Variants in STPG2 observed in about 807,000 individuals in gnomAD.
STPG2 encodes the protein sperm-tail PG-rich repeat-containing protein 2.
STPG2 carries 56 observed loss-of-function variants against 54.2 expected under a neutral mutation model. The ratio of observed to expected loss-of-function variants is 1.03; its 90% confidence interval spans 0.83 to 1.29. STPG2 has a LOEUF of 1.29. Among genes scored for constraint, STPG2 ranks in the 50% most tolerant of loss-of-function variants. The pLI, the probability that STPG2 is intolerant of heterozygous loss-of-function variation, is 0.00. For synonymous variants in STPG2, 200 were observed against 181.8 expected, an observed-to-expected ratio of 1.10 and a Z score of -0.81; for missense variants, 596 against 544.9, an observed-to-expected ratio of 1.09 and a Z score of -0.93.
At chr4:98,050,408 T>C (rs935563460) in intron 5 of STPG2, among the ~76,000 whole-genome samples, 6 of 152,108 alleles carry the variant, frequency 3.9e-5, no homozygotes, top group African/African-American at 1.2e-4. Flanking sequence ...TCTCCACTTT[T>C]GTGTTTGTTT....
At chr4:97,666,905 A>G (rs1172342674) in intron 10 of STPG2, among the ~76,000 whole-genome samples, 1 of 152,114 alleles carries the variant, frequency 6.6e-6, no homozygotes, top group East Asian at 1.9e-4. Context: ...CTAAATCACC[A>G]TTACTCCAAC....
chr4:97,983,041 C>T (rs920467461), intron 5 of STPG2, among the ~76,000 whole-genome samples: 3 of 152,142 alleles, frequency 2.0e-5, no homozygotes, highest in Non-Finnish European at 2.9e-5. Context: ...TATCTATAGT[C>T]GACCCTTGAA....
chr4:97,715,640 T>C (rs1332740709), intron 9 of STPG2, among the ~76,000 whole-genome samples: 1 of 152,158 alleles, frequency 6.6e-6, no homozygotes, highest in African/African-American at 2.4e-5. Context: ...GAGCTAAAAT[T>C]ATAAATAATG....
chr4:97,592,091 G>C (rs112764871), intron 10 of STPG2, among the ~76,000 whole-genome samples: 2,270 of 152,186 alleles, frequency 0.015, 52 homozygotes, highest in African/African-American at 0.052. Context: ...AGAAGAAACA[G>C]TAATTGGAAA....
At chr4:97,617,299 A>C (rs1733900232) in intron 10 of STPG2, among the ~76,000 whole-genome samples, 2 of 152,178 alleles carry the variant, frequency 1.3e-5, no homozygotes, top group Non-Finnish European at 2.9e-5. Flanking sequence ...AGCCTAAAAA[A>C]AAGGTACATA....
intron 7 of STPG2, among the ~76,000 whole-genome samples, chr4:97,968,039 A>G (rs1013276101): frequency 6.6e-5 from 10 of 152,166 alleles, no homozygotes; most frequent in Non-Finnish European, 1.2e-4. Context: ...GAGAGAAACA[A>G]AAAAACCTTC....
intron 8 of STPG2, among the ~76,000 whole-genome samples, chr4:97,905,223 T>A (rs1428710601): frequency 6.6e-6 from 1 of 151,786 alleles, no homozygotes; most frequent in Non-Finnish European, 1.5e-5. Context: ...CGGGTTACCC[T>A]CAAAGGGAAG....
intron 4 of STPG2, among the ~76,000 whole-genome samples, chr4:97,542,126 C>G (rs559162067): frequency 1.1e-4 from 16 of 152,112 alleles, no homozygotes; most frequent in Non-Finnish European, 2.2e-4. Context: ...CAAATGGGAT[C>G]TAATTAAACT....
chr4:98,091,285 C>A (rs1331067422), intron 5 of STPG2, among the ~76,000 whole-genome samples: 1 of 151,990 alleles, frequency 6.6e-6, no homozygotes, highest in African/African-American at 2.4e-5. Flanking sequence ...ATTTGCCTAA[C>A]AATTACCTGT....
intron 9 of STPG2, among the ~76,000 whole-genome samples, chr4:97,820,359 C>A (rs915909302): frequency 6.6e-6 from 1 of 152,004 alleles, no homozygotes; most frequent in Non-Finnish European, 1.5e-5. Context: ...CCAACAATGA[C>A]CTGTAAGTGT....
chr4:97,512,673 G>A (rs866414914), intron 4 of STPG2, among the ~76,000 whole-genome samples: 1 of 151,904 alleles, frequency 6.6e-6, no homozygotes, highest in Admixed American at 6.6e-5. Flanking sequence ...AGAAGGAAGG[G>A]GGACGAAAGA....
intron 10 of STPG2, among the ~76,000 whole-genome samples, chr4:97,702,822 A>T (rs1302833238): frequency 6.6e-6 from 1 of 152,082 alleles, no homozygotes; most frequent in Non-Finnish European, 1.5e-5. Context: ...TTAATAGTAG[A>T]CACCTGGTGA....
rs903415004 is a variant in STPG2, at chr4:97,696,804, G to A, written c.1320+15895C>T. Reference sequence around the variant, plus strand: ...ATGCTCAACATCACTAATTATCAGGGAAATCCAAATCAAACCCACAATGTA... The same window carrying A: ...ATGCTCAACATCACTAATTATCAGGAAAATCCAAATCAAACCCACAATGTA... On this transcript the variant is annotated intron_variant, in intron 10 of 10. Coordinates refer to ENST00000295268, the MANE Select transcript of STPG2 (RefSeq NM_174952.3). Among the ~76,000 whole-genome samples, 3 of 152,094 alleles carry A rather than the reference G, an allele frequency of 2.0e-5. No individual in the cohort carries two copies. The South Asian group carries it at 6.2e-4, about 32-fold the overall frequency.
At chr4:98,085,427 G>C (rs760248687) in intron 5 of STPG2, among the ~76,000 whole-genome samples, 1 of 152,144 alleles carries the variant, frequency 6.6e-6, no homozygotes, top group South Asian at 2.1e-4. Flanking sequence ...ACTTCTGCTA[G>C]GAATTTGATT....
chr4:98,137,069 T>C (rs6815312), intron 1 of STPG2, among the ~76,000 whole-genome samples: 59,854 of 151,332 alleles, frequency 0.4, 12,077 homozygotes, highest in Middle Eastern at 0.46. Flanking sequence ...ATTGTCAGAT[T>C]GAATAAAAAA....
chr4:97,743,118 GC>G (rs1288533316), intron 9 of STPG2, among the ~76,000 whole-genome samples: 1 of 151,646 alleles, frequency 6.6e-6, no homozygotes, highest in African/African-American at 2.4e-5. Flanking sequence ...AGTAAGAAAA[GC>G]AATTCTAGTT....
chr4:98,142,909 G>A, intron 1 of STPG2, 133 bp downstream of exon 1: 4 of 769,226 alleles, frequency 5.2e-6, no homozygotes, highest in South Asian at 3.0e-5. Context: ...TGTTTTCCCT[G>A]CCTACTTCAT....
intron 9 of STPG2, among the ~76,000 whole-genome samples, chr4:97,757,447 A>G (rs1168455251): frequency 2.0e-5 from 3 of 152,326 alleles, no homozygotes; most frequent in South Asian, 4.1e-4. Flanking sequence ...CAAGTGCAAT[A>G]TGGTCTTAAC....
intron 4 of STPG2, among the ~76,000 whole-genome samples, chr4:97,548,605 C>T (rs1390221433): frequency 6.6e-6 from 1 of 152,030 alleles, no homozygotes; most frequent in Non-Finnish European, 1.5e-5. Context: ...TTTAATTAAT[C>T]ATTTATTTGG....
Sources: gnomAD v4.1 joint callset for allele counts (sites outside exome capture counted in the v4.1 genomes callset) on GRCh38, gnomAD v4.1.1 for gene constraint, MANE v1.5 for transcripts, NCBI Gene and HGNC (gene_info 2026-07-23, HGNC 2026-07-21) for gene names.